The following RNF115 variants were observed in gnomAD, a reference collection of about 807,000 sequenced individuals.
RNF115 encodes ring finger protein 115, also known as E3 ubiquitin-protein ligase RNF115.
In RNF115, 31 loss-of-function variants were observed where a neutral mutation model predicts 39.2. That is an observed-to-expected ratio of 0.79 (90% CI 0.59 to 1.07). The LOEUF is 1.07. Ranked by LOEUF, RNF115 falls within the 50% of genes least tolerant of loss-of-function variation. The pLI, the probability that RNF115 is intolerant of heterozygous loss-of-function variation, is 0.00. For missense variants in RNF115, 384 were observed against 381.7 expected, an observed-to-expected ratio of 1.01 and a Z score of -0.05; for synonymous variants, 124 against 131.0, an observed-to-expected ratio of 0.95 and a Z score of 0.37.
chr1:145,777,419 A>G (rs1647935519), intron 3 of RNF115, among the ~76,000 whole-genome samples: 1 of 152,214 alleles, frequency 6.6e-6, no homozygotes, highest in Admixed American at 6.5e-5. Context: ...ACTAGTATAC[A>G]AAGTGCAAAT....
rs1343302325 is a variant in RNF115, at chr1:145,741,300, G to A, written c.*5566C>T. ...TTCTGTGGACACCAAGTGTAGTGTG[G>A]CAGGAAAACATAAAGTTTGCATGTA... On this transcript the variant is annotated 3_prime_UTR_variant, in exon 9 of 9. Coordinates refer to ENST00000582693, the MANE Select transcript of RNF115 (RefSeq NM_014455.4). 1 of 152,172 alleles carries A rather than the reference G, an allele frequency of 6.6e-6. No individual in the cohort carries two copies. Among genetic ancestry groups the A allele is most frequent in the Non-Finnish European group, 1.5e-5 (1 of 68,028 alleles). 9.4% of individuals were successfully genotyped at this position (152,172 alleles called of 1,614,324 possible).
In RNF115 at chr1:145,755,321, T is replaced by C. The variant is rs371218060; in HGVS notation, c.429-2272A>G. ...AATCACTTGCTCTGGGAGAGTGCCATATCAAGCAGTCCTATAGAAAGGTCC... is the reference window on the plus strand; with the variant it reads ...AATCACTTGCTCTGGGAGAGTGCCACATCAAGCAGTCCTATAGAAAGGTCC... On this transcript the variant is annotated intron_variant, in intron 4 of 8. Coordinates refer to ENST00000582693, the MANE Select transcript of RNF115 (RefSeq NM_014455.4). 1.1e-4 allele frequency among the ~76,000 whole-genome samples: 17 copies of C among 151,970 alleles called. No individual in the cohort carries two copies. The South Asian group carries it at 1.5e-3, about 13-fold the overall frequency.
At chr1:145,753,139 C>G in intron 4 of RNF115, 90 bp from the exon 5 acceptor site, 1 of 840,148 alleles carries the variant, frequency 1.2e-6, no homozygotes, top group Non-Finnish European at 1.9e-6. Flanking sequence ...AACTAATTCC[C>G]TAAACCAAAA....
chr1:145,752,876 C>T (rs1270678121), intron 5 of RNF115, 102 bp downstream of exon 5: 25 of 797,916 alleles, frequency 3.1e-5, no homozygotes, highest in South Asian at 1.3e-4. Flanking sequence ...CATGAGCCAC[C>T]GCACCCGGCC....
At chr1:145,778,489 T>C (rs1647979080) in intron 3 of RNF115, among the ~76,000 whole-genome samples, 1 of 152,188 alleles carries the variant, frequency 6.6e-6, no homozygotes, top group Non-Finnish European at 1.5e-5. Context: ...ATATGAATTA[T>C]ATCTCAAAAA....
chr1:145,747,321 G>A (rs1657912109), intron 8 of RNF115, among the ~76,000 whole-genome samples: 1 of 152,132 alleles, frequency 6.6e-6, no homozygotes, highest in Non-Finnish European at 1.5e-5. Context: ...TCCCAATATG[G>A]TCTAGAGCAG....
In RNF115 at chr1:145,751,439, T is replaced by G; in HGVS notation, c.572A>C (p.Gln191Pro). The stretch of plus-strand genomic sequence containing the variant: ...CACCCTCAAAAGGCAGCTCCTCACC[T>G]GGGTTACAATGGCATCAAGCCCTGT... Reference protein sequence around the residue: ...GQTGLDAIVTQLLGQLENTGP... With the variant: ...GQTGLDAIVTPLLGQLENTGP... Residue 191 changes from glutamine (Q) to proline (P), a missense_variant and splice_region_variant, in exon 6 of 9, where the codon CAG becomes CCG. Transcript: ENST00000582693. 5.1e-6 allele frequency: 8 copies of G among 1,578,548 alleles called. No individual in the cohort carries two copies. The highest frequency in any genetic ancestry group is 6.9e-6 in the Non-Finnish European group (8 of 1,161,258).
chr1:145,817,069 C>T (rs1650025839), intron 1 of RNF115, among the ~76,000 whole-genome samples: 1 of 49,124 alleles, frequency 2.0e-5, no homozygotes, highest in Non-Finnish European at 5.1e-5. Flanking sequence ...ATGGCCAAGG[C>T]ACAGGGCGTG....
At chr1:145,787,844 G>A (rs1439986980) in intron 2 of RNF115, among the ~76,000 whole-genome samples, 5 of 151,020 alleles carry the variant, frequency 3.3e-5, no homozygotes, top group East Asian at 1.9e-4. Context: ...AGCCGAGATC[G>A]AACCACTGCA....
intron 4 of RNF115, among the ~76,000 whole-genome samples, chr1:145,761,609 T>C (rs587762472): frequency 6.6e-6 from 1 of 152,274 alleles, no homozygotes; most frequent in African/African-American, 2.4e-5. Flanking sequence ...TCAGAAGATG[T>C]ATGGAAACAC....
At chr1:145,768,095 C>G (rs919536524) in intron 4 of RNF115, among the ~76,000 whole-genome samples, 1 of 152,262 alleles carries the variant, frequency 6.6e-6, no homozygotes, top group Non-Finnish European at 1.5e-5. Context: ...CTGGGCCACA[C>G]AGTGAGTGAA....
chr1:145,795,487 T>C (rs1648934480), intron 1 of RNF115, among the ~76,000 whole-genome samples: 1 of 152,140 alleles, frequency 6.6e-6, no homozygotes, highest in Non-Finnish European at 1.5e-5. Flanking sequence ...GATTGGTACA[T>C]TTTTACAGAG....
intron 2 of RNF115, among the ~76,000 whole-genome samples, chr1:145,788,540 C>T (rs1648493882): frequency 6.6e-6 from 1 of 152,208 alleles, no homozygotes; most frequent in Admixed American, 6.5e-5. Flanking sequence ...CTTCAGACAG[C>T]AGAGTGGTCA....
intron 3 of RNF115, among the ~76,000 whole-genome samples, chr1:145,778,581 A>G (rs1479367227): frequency 1.3e-5 from 2 of 152,156 alleles, no homozygotes; most frequent in African/African-American, 4.8e-5. Context: ...AATCTTGAAA[A>G]AGTTCACAGG....
At chr1:145,784,150 C>T (rs1034644915) in intron 3 of RNF115, among the ~76,000 whole-genome samples, 2 of 152,126 alleles carry the variant, frequency 1.3e-5, no homozygotes, top group Non-Finnish European at 2.9e-5. Flanking sequence ...ATTGTGACTT[C>T]GACAACTTAT....
Position 145,747,085 on chromosome 1 carries a change from C to T in RNF115, c.784-88G>A, listed in dbSNP as rs587640482. 9.6e-4 allele frequency: 1,280 copies of T among 1,335,706 alleles called. 2 individuals carry two copies. The highest frequency in any genetic ancestry group is 1.2e-3 in the Non-Finnish European group (1,158 of 967,938). 82.7% of individuals were successfully genotyped at this position (1,335,706 alleles called of 1,614,324 possible). ...ACTTAAATAACCCTGAGAATTGTCA[C>T]ATCAAAAATTATGACATGGAACAGA... On this transcript the variant is annotated intron_variant, in intron 8 of 8. Transcript: ENST00000582693.
At chr1:145,747,833 T>C (rs587633006) in intron 8 of RNF115, among the ~76,000 whole-genome samples, 162 bp downstream of exon 8, 5 of 152,306 alleles carry the variant, frequency 3.3e-5, no homozygotes, top group East Asian at 1.9e-4. Flanking sequence ...CTGTAGAACA[T>C]AGTTTGCAAC....
intron 1 of RNF115, among the ~76,000 whole-genome samples, chr1:145,791,435 C>A (rs1553718957): frequency 1.3e-5 from 2 of 151,620 alleles, no homozygotes; most frequent in Non-Finnish European, 2.9e-5. Context: ...TCGCTTGAAC[C>A]CAGGAGGTCA....
At chr1:145,807,392 G>A (rs1649506223) in intron 1 of RNF115, among the ~76,000 whole-genome samples, 1 of 152,074 alleles carries the variant, frequency 6.6e-6, no homozygotes, top group South Asian at 2.1e-4. Context: ...TATTAAAATA[G>A]GATGCTAATA....
Sources: allele counts gnomAD v4.1 joint callset (sites outside exome capture counted in the v4.1 genomes callset), GRCh38; gene constraint gnomAD v4.1.1; transcripts MANE v1.5; gene names NCBI Gene and HGNC (gene_info 2026-07-23, HGNC 2026-07-21).